Variants in GRIP1 observed in about 807,000 individuals in gnomAD.
GRIP1 encodes the protein glutamate receptor-interacting protein 1.
A neutral mutation model predicts 129.9 loss-of-function variants in GRIP1; 45 were observed. The observed-to-expected ratio is 0.35, with a 90% CI of 0.27 to 0.44. The LOEUF (loss-of-function observed/expected upper bound fraction) is 0.44. GRIP1 is among the 20% of genes least tolerant of loss of function. The probability of loss-of-function intolerance (pLI) is 1.00; values close to 1 mark genes in which losing one functional copy is unlikely to be tolerated. For missense variants in GRIP1, 1,196 were observed against 1,396.8 expected (o/e 0.86, Z 2.29); for synonymous variants, 530 against 520.8 (o/e 1.02, Z -0.24).
At chr12:66,749,311 T>C (rs2037051408) in intron 1 of GRIP1, among the ~76,000 whole-genome samples, 1 of 152,178 alleles carries the variant, frequency 6.6e-6, no homozygotes, top group East Asian at 1.9e-4. Flanking sequence ...TCCACCTGTT[T>C]TTCTGAATTG....
intron 19 of GRIP1, among the ~76,000 whole-genome samples, chr12:66,385,806 C>T (rs2056333832): frequency 1.3e-5 from 2 of 152,124 alleles, no homozygotes; most frequent in East Asian, 2.0e-4. Context: ...GACAGGGTTT[C>T]ACCATGTTGG....
Position 66,880,033 on chromosome 12 carries a change from T to C in GRIP1, c.58+189017A>G, listed in dbSNP as rs182054751. Among the ~76,000 whole-genome samples the C allele has an allele frequency of 9.2e-5, 14 of 152,138 alleles. No individual in the cohort carries two copies. In the East Asian group the frequency reaches 2.5e-3, roughly 27 times the overall value. The stretch of plus-strand genomic sequence containing the variant: ...TACTGGGAGAAATGCAAGTGATTAA[T>C]ATTGTGCAGGGGCGAGAAGGAAATG... On this transcript the variant is annotated intron_variant, in intron 1 of 1. Transcript: ENST00000643019.
intron 1 of GRIP1, among the ~76,000 whole-genome samples, chr12:67,007,080 T>G (rs1464666490): frequency 6.6e-6 from 1 of 152,208 alleles, no homozygotes; most frequent in South Asian, 2.1e-4. Context: ...CCCACTCTAT[T>G]CATTGAAAAG....
chr12:66,442,229 C>T (rs1334793994), intron 13 of GRIP1, among the ~76,000 whole-genome samples: 1 of 152,032 alleles, frequency 6.6e-6, no homozygotes, highest in Non-Finnish European at 1.5e-5. Context: ...ACTCCATCAC[C>T]AAATCCAAAC....
intron 1 of GRIP1, among the ~76,000 whole-genome samples, chr12:66,951,072 G>C (rs1031829756): frequency 2.0e-5 from 3 of 152,170 alleles, no homozygotes; most frequent in South Asian, 2.1e-4. Flanking sequence ...TGAACAAAAA[G>C]TCATGTTCCC....
At chr12:66,490,497 T>C (rs2060076314) in intron 7 of GRIP1, among the ~76,000 whole-genome samples, 1 of 152,192 alleles carries the variant, frequency 6.6e-6, no homozygotes, top group African/African-American at 2.4e-5. Flanking sequence ...GTTAAAGACT[T>C]AAATGTTAAA....
intron 1 of GRIP1, among the ~76,000 whole-genome samples, chr12:66,905,836 T>A (rs17182824): frequency 0.034 from 5,217 of 152,310 alleles, 117 homozygotes; most frequent in Non-Finnish European, 0.051. Flanking sequence ...TTTCGCAAGT[T>A]ACCTTAATAA....
At chr12:66,668,179 A>G (rs1207246636) in intron 1 of GRIP1, among the ~76,000 whole-genome samples, 1 of 152,238 alleles carries the variant, frequency 6.6e-6, no homozygotes, top group African/African-American at 2.4e-5. Context: ...TAAAATAAAC[A>G]AGTAGCATCT....
At chr12:66,390,334 A>G (rs1303840587) in intron 19 of GRIP1, among the ~76,000 whole-genome samples, 3 of 152,180 alleles carry the variant, frequency 2.0e-5, no homozygotes, top group Non-Finnish European at 4.4e-5. Context: ...AGTGTTCTAT[A>G]TATATAAAGG....
intron 12 of GRIP1, among the ~76,000 whole-genome samples, 171 bp downstream of exon 12, chr12:66,445,151 A>T (rs2058585087): frequency 1.3e-5 from 2 of 152,204 alleles, no homozygotes; most frequent in Non-Finnish European, 2.9e-5. Context: ...ATCCATGCTC[A>T]TTACTCTTTT....
At chr12:66,649,502 T>C (rs527701839) in intron 1 of GRIP1, among the ~76,000 whole-genome samples, 37 of 152,338 alleles carry the variant, frequency 2.4e-4, no homozygotes, top group African/African-American at 8.4e-4. Flanking sequence ...GGAACCATGC[T>C]GAGCACCGTA....
upstream of GRIP1, among the ~76,000 whole-genome samples, chr12:66,681,726 TGAA>T (rs1294842492): frequency 4.6e-5 from 7 of 152,172 alleles, no homozygotes; most frequent in African/African-American, 1.7e-4. Context: ...CAATGTGATC[TGAA>T]GAAGAGTGAG....
chr12:66,844,500 G>GGA (rs2039778858), intron 1 of GRIP1, among the ~76,000 whole-genome samples: 1 of 152,152 alleles, frequency 6.6e-6, no homozygotes, highest in Non-Finnish European at 1.5e-5. Context: ...GAACCTTTAT[G>GGA]GATTGCTGGT....
chr12:66,912,746 T>G (rs12227383), intron 1 of GRIP1, among the ~76,000 whole-genome samples: 13,761 of 152,174 alleles, frequency 0.09, 836 homozygotes, highest in East Asian at 0.18. Flanking sequence ...TGTCATCTAG[T>G]GAGGGTATTT....
chr12:67,016,499 T>A (rs570926430), intron 1 of GRIP1, among the ~76,000 whole-genome samples: 1 of 152,302 alleles, frequency 6.6e-6, no homozygotes, highest in East Asian at 1.9e-4. Flanking sequence ...TTTAAAGATA[T>A]GAAAACAGAC....
At chr12:66,983,147 C>T (rs183242450) in intron 1 of GRIP1, among the ~76,000 whole-genome samples, 195 of 152,196 alleles carry the variant, frequency 1.3e-3, no homozygotes, top group African/African-American at 4.4e-3. Context: ...GCAGTGCCAC[C>T]GCAACACTGG....
intron 1 of GRIP1, among the ~76,000 whole-genome samples, chr12:67,017,393 C>T (rs897226753): frequency 6.6e-6 from 1 of 150,856 alleles, no homozygotes; most frequent in Admixed American, 6.6e-5. Flanking sequence ...TTAGGTTGGG[C>T]CTTGAAGAAT....
intron 1 of GRIP1, among the ~76,000 whole-genome samples, chr12:66,751,213 T>C (rs1861233241): frequency 6.6e-6 from 1 of 152,122 alleles, no homozygotes; most frequent in African/African-American, 2.4e-5. Flanking sequence ...CATTCCATCA[T>C]TGAACATTGT....
intron 1 of GRIP1, among the ~76,000 whole-genome samples, chr12:66,853,333 A>C (rs1446573394): frequency 6.6e-6 from 1 of 151,994 alleles, no homozygotes; most frequent in African/African-American, 2.4e-5. Context: ...CCAGTGATGC[A>C]TTAGATATAC....
Sources: allele counts gnomAD v4.1 joint callset (sites outside exome capture counted in the v4.1 genomes callset), GRCh38; gene constraint gnomAD v4.1.1; transcripts MANE v1.5; gene names NCBI Gene and HGNC (gene_info 2026-07-23, HGNC 2026-07-21).